The following DENND1A variants were observed in gnomAD, a reference collection of about 807,000 sequenced individuals.
DENND1A encodes DENN domain-containing protein 1A.
DENND1A carries 51 observed loss-of-function variants against 113.7 expected under a neutral mutation model. That is an observed-to-expected ratio of 0.45 (90% CI 0.36 to 0.57). The LOEUF (loss-of-function observed/expected upper bound fraction) is 0.57. Among genes scored for constraint, DENND1A ranks in the 20% least tolerant of loss-of-function variants. The pLI is 0.00. For missense variants in DENND1A, 1,258 were observed against 1,395.9 expected, an observed-to-expected ratio of 0.90 and a Z score of 1.57; for synonymous variants, 565 against 570.8, an observed-to-expected ratio of 0.99 and a Z score of 0.14.
At chr9:123,429,289 C>T (rs2045962162) in intron 19 of DENND1A, among the ~76,000 whole-genome samples, 1 of 152,204 alleles carries the variant, frequency 6.6e-6, no homozygotes, top group African/African-American at 2.4e-5. Flanking sequence ...GGTGCAGTGG[C>T]TTGTGCCTGT....
intron 23 of DENND1A, 43 bp from the exon 24 acceptor site, chr9:123,382,668 T>C (rs1239511155): frequency 6.3e-7 from 1 of 1,598,484 alleles, no homozygotes; most frequent in Non-Finnish European, 8.6e-7. Flanking sequence ...CGGGCTGAGT[T>C]GGGACATATG....
chr9:123,837,419 A>C (rs1841200676), intron 2 of DENND1A, among the ~76,000 whole-genome samples: 1 of 152,206 alleles, frequency 6.6e-6, no homozygotes, highest in African/African-American at 2.4e-5. Context: ...ATAACCCAGA[A>C]ACAATCAGAT....
chr9:123,815,379 C>T (rs1000124659), intron 2 of DENND1A, among the ~76,000 whole-genome samples: 8 of 152,166 alleles, frequency 5.3e-5, no homozygotes, highest in Admixed American at 3.3e-4. Context: ...ACACATCTGA[C>T]CATATAACTG....
intron 13 of DENND1A, among the ~76,000 whole-genome samples, chr9:123,543,883 C>T (rs1025379612): frequency 4.4e-5 from 6 of 136,256 alleles, no homozygotes; most frequent in African/African-American, 2.0e-4. Context: ...CTGTCTTTAA[C>T]AGTGACCAGG....
At chr9:123,551,037 C>T (rs770997623) in intron 13 of DENND1A, among the ~76,000 whole-genome samples, 4 of 152,196 alleles carry the variant, frequency 2.6e-5, no homozygotes, top group African/African-American at 7.2e-5. Flanking sequence ...CCTGGGCTGC[C>T]GCTTGACATG....
rs12337997 is a variant in DENND1A at position 123,403,646 on chromosome 9, C to T, written c.1543-156G>A. Reference sequence around the variant, plus strand: ...AGCCCAGCCTATCACAGAAACATCACCATCTAATAGGCAGCAGACAGACAC... The same window carrying T: ...AGCCCAGCCTATCACAGAAACATCATCATCTAATAGGCAGCAGACAGACAC... On this transcript the variant is annotated intron_variant, in intron 20 of 23. Transcript: ENST00000394215. The T allele has an allele frequency of 1.7e-3, 1,122 of 649,112 alleles. 11 individuals carry two copies. The African/African-American group carries it at 0.018, about 11-fold the overall frequency. 40.2% of individuals were successfully genotyped at this position (649,112 alleles called of 1,614,324 possible).
At chr9:123,781,240 G>A (rs1481515523) in intron 3 of DENND1A, among the ~76,000 whole-genome samples, 1 of 152,194 alleles carries the variant, frequency 6.6e-6, no homozygotes, top group Non-Finnish European at 1.5e-5. Context: ...GGACATCCCA[G>A]TTATGCCCAC....
At chr9:123,522,373 CAG>C (rs766958045) in intron 13 of DENND1A, among the ~76,000 whole-genome samples, 4 of 152,178 alleles carry the variant, frequency 2.6e-5, no homozygotes, top group Admixed American at 1.3e-4. Flanking sequence ...GAATGCTGTG[CAG>C]AGAGTGGTCG....
At chr9:123,750,629 A>G (rs992332689) in intron 5 of DENND1A, among the ~76,000 whole-genome samples, 2 of 152,244 alleles carry the variant, frequency 1.3e-5, no homozygotes, top group African/African-American at 4.8e-5. Context: ...CACAGTATCC[A>G]GCTTACTTTT....
intron 20 of DENND1A, among the ~76,000 whole-genome samples, chr9:123,406,339 G>C (rs1040811670): frequency 6.6e-6 from 1 of 152,258 alleles, no homozygotes; most frequent in Non-Finnish European, 1.5e-5. Context: ...CGGATACAGG[G>C]AAAGTCCCCC....
intron 12 of DENND1A, among the ~76,000 whole-genome samples, chr9:123,576,755 T>A (rs1459593375): frequency 6.6e-6 from 1 of 152,210 alleles, no homozygotes; most frequent in African/African-American, 2.4e-5. Context: ...GCTTTCATTT[T>A]TGAAGGATAT....
chr9:123,747,566 A>T (rs1049072251), intron 5 of DENND1A, among the ~76,000 whole-genome samples: 1 of 152,182 alleles, frequency 6.6e-6, no homozygotes, highest in Admixed American at 6.5e-5. Flanking sequence ...AGTAGAAAAT[A>T]AAAACCTACT....
rs1314749836 is a variant in DENND1A, at chr9:123,381,854, G to A, written c.2791C>T (p.Leu931Phe). 11 of 1,474,466 alleles carry A rather than the reference G, an allele frequency of 7.5e-6. No homozygotes were observed. The highest frequency in any genetic ancestry group is 2.7e-5 in the Admixed American group (1 of 36,790). 91.3% of individuals were successfully genotyped at this position (1,474,466 alleles called of 1,614,324 possible). ...CAGAAGCCAGCACTGGACAGCAGGAGGCCGGACGCAAAAGCCGGCCCCAGG... is the reference window on the plus strand; with the variant it reads ...CAGAAGCCAGCACTGGACAGCAGGAAGCCGGACGCAAAAGCCGGCCCCAGG... ...ASLGPAFASGLLLSSAGFCAP... is the reference protein window; with the variant it reads ...ASLGPAFASGFLLSSAGFCAP... The change falls in exon 24 of 24, where the codon CTC (leucine) becomes TTC (phenylalanine). Residue 931 changes from leucine to phenylalanine, a missense_variant. Leu to Phe is a conservative substitution (Grantham distance 22, BLOSUM62 0). This residue lies in a region of DENND1A where 1,159 missense variants were observed against 1,231.7 expected (regional missense o/e 0.94). Coordinates refer to ENST00000394215, the MANE Select transcript of DENND1A (RefSeq NM_001352964.2). This position sits in a 1 kb window ranked among gnomAD's most constrained non-coding sequence, Gnocchi z 4.7.
intron 1 of DENND1A, among the ~76,000 whole-genome samples, chr9:123,922,384 A>T (rs1856420426): frequency 6.6e-6 from 1 of 152,248 alleles, no homozygotes; most frequent in Non-Finnish European, 1.5e-5. Flanking sequence ...ACATCTGATA[A>T]ATATCCATAA....
chr9:123,860,677 A>G (rs977950842), intron 2 of DENND1A, among the ~76,000 whole-genome samples: 3 of 152,226 alleles, frequency 2.0e-5, no homozygotes, highest in African/African-American at 7.2e-5. Flanking sequence ...ATTGCCTAAT[A>G]AACACCTATA....
chr9:123,877,491 AAAT>A (rs1021587676), intron 2 of DENND1A, among the ~76,000 whole-genome samples: 2 of 146,776 alleles, frequency 1.4e-5, no homozygotes, highest in Non-Finnish European at 3.0e-5. Flanking sequence ...GCCGTCTCAA[AAAT>A]AATAATAATA....
chr9:123,848,453 C>A (rs1396242398), intron 2 of DENND1A, among the ~76,000 whole-genome samples: 1 of 152,020 alleles, frequency 6.6e-6, no homozygotes, highest in East Asian at 1.9e-4. Context: ...TATAAGATGG[C>A]AAACTTCGTC....
chr9:123,807,008 G>C lies in DENND1A; in HGVS notation c.89-14378C>G, dbSNP rs887140913. Among the ~76,000 whole-genome samples the C allele has an allele frequency of 2.0e-5, 3 of 152,132 alleles. No homozygotes were observed. In the East Asian group the frequency reaches 5.8e-4, roughly 29 times the overall value. ...GCATCATTGCAAAAATTGAAAGAGTGTTAATAAGTTCAAGTGATGCAATAT... is the reference window on the plus strand; with the variant it reads ...GCATCATTGCAAAAATTGAAAGAGTCTTAATAAGTTCAAGTGATGCAATAT... On this transcript the variant is annotated intron_variant, in intron 2 of 23. Transcript: ENST00000394215.
intron 9 of DENND1A, among the ~76,000 whole-genome samples, chr9:123,639,777 C>CAAAAAAAAAAAAAAAA (rs199515973): frequency 8.6e-6 from 1 of 115,672 alleles, no homozygotes; most frequent in Non-Finnish European, 1.9e-5. Context: ...AACTCCATCT[C>CAAAAAAAAAAAAAAAA]AAAAAAAAAA....
Sources: allele counts gnomAD v4.1 joint callset (sites outside exome capture counted in the v4.1 genomes callset), GRCh38; gene constraint gnomAD v4.1.1; regional missense constraint gnomAD v4.1.1; non-coding constraint Gnocchi (gnomAD v3.1); transcripts MANE v1.5; gene names NCBI Gene and HGNC (gene_info 2026-07-23, HGNC 2026-07-21).